CA5B: variants seen among roughly 807,000 people sequenced by gnomAD.
CA5B encodes the protein carbonic anhydrase 5B, also known as carbonic anhydrase 5B, mitochondrial.
CA5B carries 15 observed loss-of-function variants against 23.1 expected under a neutral mutation model. The observed-to-expected ratio is 0.65, with a 90% CI of 0.43 to 1.00. CA5B has a LOEUF of 1.00. CA5B is among the 50% of genes least tolerant of loss of function. The probability of loss-of-function intolerance (pLI) is 0.00; values close to 1 mark genes in which losing one functional copy is unlikely to be tolerated. For missense variants in CA5B, 236 were observed against 252.2 expected (o/e 0.94, Z 0.43); for synonymous variants, 84 against 98.5 (o/e 0.85, Z 0.87).
At chrX:15,738,543 C>T (rs1406173145) in intron 1 of CA5B, among the ~76,000 whole-genome samples, 191 bp downstream of exon 1, 1 of 110,770 alleles carries the variant, frequency 9.0e-6, no homozygotes, top group Admixed American at 9.6e-5. Flanking sequence ...AATGGGGTGT[C>T]GAACTCCCCC....
chrX:15,767,047 A>G (rs991275850), intron 3 of CA5B: 4 of 885,775 alleles, frequency 4.5e-6, no homozygotes, highest in African/African-American at 4.2e-5. Context: ...CTTGTCCCCC[A>G]TGGGGCTCTA....
At position 15,755,056 on chromosome X, in the gene CA5B, A is replaced by G; in HGVS notation, c.142+4891A>G. The stretch of plus-strand genomic sequence containing the variant: ...TGAAAGCTTTTCTATTATTTCTCCA[A>G]TTAATTTTGAAGAATAAAAATAAAG... On this transcript the variant is annotated intron_variant, in intron 2 of 7. Coordinates refer to ENST00000318636, the MANE Select transcript of CA5B (RefSeq NM_007220.4). Among the ~76,000 whole-genome samples, 2 of 112,613 alleles carry G rather than the reference A, an allele frequency of 1.8e-5. 1 individual carries two copies. The highest frequency in any genetic ancestry group is 7.3e-4 in the South Asian group (2 of 2,750).
chrX:15,750,066 C>G lies in CA5B; in HGVS notation c.43C>G (p.Pro15Ala). The G allele has an allele frequency of 1.7e-6, 2 of 1,210,069 alleles. No homozygotes were observed. The highest frequency in any genetic ancestry group is 3.0e-5 in the East Asian group (1 of 33,843). Reference sequence around the variant, plus strand: ...CCTGAGGGTCATTCTTCAAGCCTCTCCAGGCAAATTGCTGTGGAGAAAGTT... The same window carrying G: ...CCTGAGGGTCATTCTTCAAGCCTCTGCAGGCAAATTGCTGTGGAGAAAGTT... The part of the protein sequence containing the change: ...NSLRVILQAS[P>A]GKLLWRKFQI... The change falls in exon 2 of 8, where the codon CCA becomes GCA. Residue 15 changes from proline to alanine, a missense_variant. Pro to Ala is a conservative substitution (Grantham distance 27). Transcript: ENST00000318636.
At chrX:15,769,314 G>A (rs990940453) in intron 3 of CA5B, 13 of 136,072 alleles carry the variant, frequency 9.6e-5, no homozygotes, top group Non-Finnish European at 1.5e-4. Context: ...ATCTCATACC[G>A]CAGTCCTCTC....
intron 2 of CA5B, among the ~76,000 whole-genome samples, chrX:15,753,784 C>T (rs1352914133): frequency 2.7e-5 from 3 of 111,809 alleles, no homozygotes; most frequent in Non-Finnish European, 3.8e-5. Flanking sequence ...TGGTATGCAC[C>T]TGTAATCCCA....
Position 15,776,815 on chromosome X carries a change from C to A in CA5B, c.720C>A (p.Ser240=). The A allele has an allele frequency of 8.3e-7, 1 of 1,209,432 alleles. No homozygotes were observed. The highest frequency in any genetic ancestry group is 1.7e-5 in the African/African-American group (1 of 57,753). Residue 240 remains serine, a synonymous_variant, in exon 7 of 8, where the codon TCC becomes TCA. Coordinates refer to ENST00000318636, the MANE Select transcript of CA5B (RefSeq NM_007220.4). ...YSGSLTTPPL[S]ESVTWIIKKQ... is the part of the protein sequence containing the mutation. Reference sequence around the variant, plus strand: ...GGTCTCTGACTACCCCACCCCTCTCCGAGTCTGTCACCTGGATCATTAAGA... The same window carrying A: ...GGTCTCTGACTACCCCACCCCTCTCAGAGTCTGTCACCTGGATCATTAAGA...
At chrX:15,772,108 GTGTC>G (rs1931831822) in intron 3 of CA5B, among the ~76,000 whole-genome samples, 1 of 111,998 alleles carries the variant, frequency 8.9e-6, no homozygotes, top group Non-Finnish European at 1.9e-5. Context: ...GAAAAGCAAA[GTGTC>G]TGTGCATAAA....
intron 3 of CA5B, chrX:15,765,040 G>T (rs1284252537): frequency 3.5e-5 from 10 of 288,770 alleles, no homozygotes; most frequent in Non-Finnish European, 5.9e-5. Flanking sequence ...ATAGAGCATA[G>T]GTGTGCAATG....
At chrX:15,778,092 T>C (rs891744826) in intron 7 of CA5B, among the ~76,000 whole-genome samples, 3 of 111,633 alleles carry the variant, frequency 2.7e-5, no homozygotes, top group Non-Finnish European at 5.7e-5. Context: ...TATAAAGATA[T>C]AATGTAAGAA....
At chrX:15,752,672 C>G (rs1012334520) in intron 2 of CA5B, among the ~76,000 whole-genome samples, 3 of 109,884 alleles carry the variant, frequency 2.7e-5, no homozygotes, top group Non-Finnish European at 5.7e-5. Context: ...TTGCAGTGAG[C>G]CGAGATCGCG....
At chrX:15,779,837 C>T (rs1234109491) in intron 7 of CA5B, among the ~76,000 whole-genome samples, 4 of 111,764 alleles carry the variant, frequency 3.6e-5, no homozygotes, top group Non-Finnish European at 7.5e-5. Flanking sequence ...ACTTATATTC[C>T]TTCTAGAAAA....
At chrX:15,763,388 T>A (rs751971613) in intron 2 of CA5B, among the ~76,000 whole-genome samples, 2 of 112,603 alleles carry the variant, frequency 1.8e-5, no homozygotes, top group African/African-American at 6.4e-5. Flanking sequence ...AAATTCTCGA[T>A]GAAGAAAAGA....
chrX:15,745,174 A>AG (rs2147252757), intron 1 of CA5B, among the ~76,000 whole-genome samples: 1 of 100,743 alleles, frequency 9.9e-6, no homozygotes, highest in Admixed American at 1.1e-4. Context: ...GTCTCAAAAA[A>AG]AAAAAAAAAA....
intron 1 of CA5B, among the ~76,000 whole-genome samples, chrX:15,742,744 A>G (rs939931398): frequency 9.0e-6 from 1 of 111,386 alleles, no homozygotes; most frequent in African/African-American, 3.3e-5. Flanking sequence ...CTGCTCGGAA[A>G]CCTCCACTGT....
At chrX:15,764,521 T>C (rs1342957720) in intron 2 of CA5B, 57 bp from the exon 3 acceptor site, 1 of 1,193,339 alleles carries the variant, frequency 8.4e-7, no homozygotes, top group Non-Finnish European at 1.1e-6. Context: ...ATTATAGGAG[T>C]GAGCCACTGC....
At chrX:15,765,510 T>G (rs1157341260) in intron 3 of CA5B, 1 of 111,056 alleles carries the variant, frequency 9.0e-6, no homozygotes, top group Non-Finnish European at 1.9e-5. Context: ...GCTTGTTTGT[T>G]TTACTGCATT....
chrX:15,776,193 G>T (rs10126965), intron 6 of CA5B: 2,411 of 168,111 alleles, frequency 0.014, 56 homozygotes, highest in African/African-American at 0.073. Flanking sequence ...CAAAAAATTC[G>T]CCGGGCATGG....
intron 6 of CA5B, among the ~76,000 whole-genome samples, chrX:15,776,330 C>T (rs1334033589): frequency 1.3e-5 from 1 of 78,772 alleles, no homozygotes; most frequent in Non-Finnish European, 2.3e-5. Flanking sequence ...CAGAGCGAGA[C>T]TCTGTCTCAA....
At chrX:15,758,741 C>T (rs754970726) in intron 2 of CA5B, among the ~76,000 whole-genome samples, 10 of 111,465 alleles carry the variant, frequency 9.0e-5, no homozygotes, top group Admixed American at 1.9e-4. Context: ...CTACTGACCT[C>T]AATTGATCTG....
Sources: allele counts gnomAD v4.1 joint callset (sites outside exome capture counted in the v4.1 genomes callset), GRCh38; gene constraint gnomAD v4.1.1; transcripts MANE v1.5; gene names NCBI Gene and HGNC (gene_info 2026-07-23, HGNC 2026-07-21).